The following NCOA7 variants were observed in gnomAD, a reference collection of about 807,000 sequenced individuals.
NCOA7 encodes the protein nuclear receptor coactivator 7, also known as 140 kDa estrogen receptor-associated protein.
In NCOA7, 45 loss-of-function variants were observed where a neutral mutation model predicts 104.3. The observed-to-expected ratio is 0.43, with a 90% CI of 0.34 to 0.55. The LOEUF (loss-of-function observed/expected upper bound fraction) is 0.55. Among genes scored for constraint, NCOA7 ranks in the 20% least tolerant of loss-of-function variants. The pLI, the probability that NCOA7 is intolerant of heterozygous loss-of-function variation, is 0.02. For missense variants in NCOA7, 1,041 were observed against 1,119.7 expected, an observed-to-expected ratio of 0.93 and a Z score of 1.00; for synonymous variants, 398 against 402.3, an observed-to-expected ratio of 0.99 and a Z score of 0.13.
At chr6:125,924,977 C>T (rs893668006) in intron 13 of NCOA7, among the ~76,000 whole-genome samples, 2 of 152,144 alleles carry the variant, frequency 1.3e-5, no homozygotes, top group African/African-American at 4.8e-5. Context: ...TTCTTCTACC[C>T]ACCCTCCACT....
chr6:125,890,643 T>C lies in NCOA7; in HGVS notation c.1929T>C (p.Asp643=). ...ACAGTTTTTTCGTGTGTGATTCAGATATACTTCCTTCAAAAGAAGAAAAAA... is the reference window on the plus strand; with the variant it reads ...ACAGTTTTTTCGTGTGTGATTCAGACATACTTCCTTCAAAAGAAGAAAAAA... ...LLKRIQVPIE[D]ILPSKEEKSK... Residue 643 remains aspartate (D), a splice_region_variant and synonymous_variant, in exon 10 of 16, where the codon GAT becomes GAC. Coordinates refer to ENST00000392477, the MANE Select transcript of NCOA7 (RefSeq NM_181782.5). 6.2e-7 allele frequency: 1 copy of C among 1,611,524 alleles called. No homozygotes were observed. Among genetic ancestry groups the C allele is most frequent in the Non-Finnish European group, 8.5e-7 (1 of 1,179,114 alleles).
chr6:125,859,685 A>G (rs1313846089), intron 3 of NCOA7, among the ~76,000 whole-genome samples: 2 of 152,236 alleles, frequency 1.3e-5, no homozygotes, highest in East Asian at 3.8e-4. Context: ...ACGAAGTTCT[A>G]TAAGCAATAT....
chr6:125,829,374 T>C (rs1472944278), intron 2 of NCOA7, among the ~76,000 whole-genome samples: 3 of 152,242 alleles, frequency 2.0e-5, no homozygotes, highest in East Asian at 3.8e-4. Flanking sequence ...ATAAACTATG[T>C]GACTGGATTT....
chr6:125,931,624 G>T lies in NCOA7; in HGVS notation c.*2853G>T, dbSNP rs183028997. On this transcript the variant is annotated 3_prime_UTR_variant, in exon 16 of 16. Transcript: ENST00000392477. ...ACTGAAAATGATTAGATGCATCCCC[G>T]TGCTACAAGCCACCAGAGACATCCT... 3.3e-4 allele frequency: 51 copies of T among 152,246 alleles called. No homozygotes were observed. The highest frequency in any genetic ancestry group is 3.4e-3 in the Middle Eastern group (1 of 294). 9.4% of individuals were successfully genotyped at this position (152,246 alleles called of 1,614,324 possible). A position where few individuals can be genotyped will look rare whatever the true frequency, so the allele number is the denominator to read the frequency against.
intron 3 of NCOA7, among the ~76,000 whole-genome samples, chr6:125,859,188 C>T (rs900072421): frequency 6.6e-5 from 10 of 150,956 alleles, no homozygotes; most frequent in African/African-American, 1.7e-4. Context: ...AGGGGCACAC[C>T]GAAGGGGCAC....
intron 1 of NCOA7, among the ~76,000 whole-genome samples, chr6:125,806,326 G>A (rs1465072130): frequency 6.6e-6 from 1 of 152,132 alleles, no homozygotes; most frequent in Non-Finnish European, 1.5e-5. Context: ...GGATGACAGA[G>A]TGAGACTCCT....
chr6:125,806,817 T>G (rs1776494854), intron 1 of NCOA7, among the ~76,000 whole-genome samples: 1 of 152,236 alleles, frequency 6.6e-6, no homozygotes. Context: ...TGTGATCAAG[T>G]ACTTTCCTTT....
chr6:125,925,581 T>C (rs1212850380), intron 13 of NCOA7, among the ~76,000 whole-genome samples: 2 of 152,258 alleles, frequency 1.3e-5, no homozygotes, highest in African/African-American at 2.4e-5. Flanking sequence ...TATTTTGCTC[T>C]ATTACATCTT....
intron 3 of NCOA7, 96 bp from the exon 4 acceptor site, chr6:125,874,793 A>G (rs988778403): frequency 4.4e-5 from 37 of 835,424 alleles, no homozygotes; most frequent in African/African-American, 4.2e-4. Context: ...TCTTTTTGTC[A>G]GTTGATTTGA....
intron 2 of NCOA7, among the ~76,000 whole-genome samples, chr6:125,844,495 A>C (rs1028174598): frequency 6.6e-6 from 1 of 152,202 alleles, no homozygotes; most frequent in Non-Finnish European, 1.5e-5. Flanking sequence ...TTCCAAGAGA[A>C]AATTTTCTTC....
intron 10 of NCOA7, among the ~76,000 whole-genome samples, chr6:125,903,549 C>G (rs1438575753): frequency 6.6e-6 from 1 of 152,178 alleles, no homozygotes; most frequent in African/African-American, 2.4e-5. Context: ...CCCTCCCTCA[C>G]AAATATCCCT....
intron 1 of NCOA7, among the ~76,000 whole-genome samples, chr6:125,811,574 A>G (rs1387624781): frequency 6.6e-6 from 1 of 152,176 alleles, no homozygotes; most frequent in Non-Finnish European, 1.5e-5. Flanking sequence ...GAGCCTAGCA[A>G]GGTTGCCTCG....
upstream of NCOA7, among the ~76,000 whole-genome samples, chr6:125,789,470 C>T (rs552082633): frequency 6.6e-6 from 1 of 152,342 alleles, no homozygotes; most frequent in South Asian, 2.1e-4. Context: ...GAGAGCAGCT[C>T]AGCTTCCCTG....
At chr6:125,837,283 A>C (rs1413851995) in intron 2 of NCOA7, among the ~76,000 whole-genome samples, 1 of 152,172 alleles carries the variant, frequency 6.6e-6, no homozygotes, top group African/African-American at 2.4e-5. Flanking sequence ...TCCACCTTTA[A>C]GGCATCTTCA....
Position 125,922,814 on chromosome 6 carries a change from A to G in NCOA7, c.2503A>G (p.Ile835Val). 4 of 1,614,118 alleles carry G rather than the reference A, an allele frequency of 2.5e-6. No homozygotes were observed. The South Asian group carries it at 4.4e-5, about 18-fold the overall frequency. The change falls in exon 13 of 16, where the codon ATC becomes GTC. Residue 835 changes from isoleucine (I) to valine (V), a missense_variant. Ile to Val is a conservative substitution (Grantham distance 29, BLOSUM62 3). This residue lies in a region of NCOA7 where 127 missense variants were observed against 177.0 expected (regional missense o/e 0.72). Transcript: ENST00000392477. ...ASLDSPVLLV[I>V]KDMDNQIFGA... ...ACTAGACAGTCCTGTCCTATTGGTC[A>G]TCAAAGATATGGATAATCAGGTGAG... is the stretch of plus-strand genomic sequence containing the variant.
intron 1 of NCOA7, 49 bp from the exon 2 acceptor site, chr6:125,815,242 C>T: frequency 1.5e-6 from 1 of 654,448 alleles, no homozygotes. Flanking sequence ...TTCACATTGG[C>T]CAGTGTAAAC....
At chr6:125,887,510 G>T (rs1220203225) in intron 8 of NCOA7, among the ~76,000 whole-genome samples, 2 of 152,176 alleles carry the variant, frequency 1.3e-5, no homozygotes, top group Non-Finnish European at 2.9e-5. Flanking sequence ...AAATTGAAAT[G>T]AATTATAAAT....
intron 2 of NCOA7, among the ~76,000 whole-genome samples, chr6:125,825,210 C>T (rs557950532): frequency 4.0e-5 from 6 of 150,244 alleles, no homozygotes; most frequent in African/African-American, 9.8e-5. Flanking sequence ...CATGACAGCA[C>T]ATGCCTGTAA....
At chr6:125,837,968 C>T (rs1361223401) in intron 2 of NCOA7, among the ~76,000 whole-genome samples, 1 of 152,160 alleles carries the variant, frequency 6.6e-6, no homozygotes, top group Non-Finnish European at 1.5e-5. Flanking sequence ...ATATTTCTTC[C>T]TCTTAATGAG....
Sources: allele counts gnomAD v4.1 joint callset (sites outside exome capture counted in the v4.1 genomes callset), GRCh38; gene constraint gnomAD v4.1.1; regional missense constraint gnomAD v4.1.1; transcripts MANE v1.5; gene names NCBI Gene and HGNC (gene_info 2026-07-23, HGNC 2026-07-21).